The following QTMAN variants were observed in gnomAD, a reference collection of about 807,000 sequenced individuals.
The protein encoded by QTMAN is tRNA-queuosine alpha-mannosyltransferase.
At chr2:144,066,808 A>C in the QTMAN span, among the ~76,000 whole-genome samples, 7 of 152,158 alleles carry the variant, frequency 4.6e-5, no homozygotes, top group Admixed American at 6.5e-5. Flanking sequence ...TGCACAAAAT[A>C]GTTTCCAATC....
At chr2:143,973,169 A>G in the QTMAN span, among the ~76,000 whole-genome samples, 1 of 152,066 alleles carries the variant, frequency 6.6e-6, no homozygotes, top group Non-Finnish European at 1.5e-5. Flanking sequence ...CATCATACAC[A>G]GTTTCACAAA....
At chr2:144,189,141 A>G in the QTMAN span, among the ~76,000 whole-genome samples, 1 of 152,168 alleles carries the variant, frequency 6.6e-6, no homozygotes, top group Non-Finnish European at 1.5e-5. Context: ...CAGGGTACAT[A>G]TATGTGTGTA....
At chr2:144,229,393 T>C in the QTMAN span, among the ~76,000 whole-genome samples, 18 of 152,246 alleles carry the variant, frequency 1.2e-4, no homozygotes, top group African/African-American at 4.1e-4. Context: ...TGAGTTCCTC[T>C]CAGTTACCCT....
At chr2:144,141,867 G>A in the QTMAN span, 4 of 1,575,630 alleles carry the variant, frequency 2.5e-6, no homozygotes, top group East Asian at 2.3e-5. Context: ...TGAGAACAGA[G>A]TCAAACATAC....
At chr2:144,078,367 A>G in the QTMAN span, among the ~76,000 whole-genome samples, 1 of 152,260 alleles carries the variant, frequency 6.6e-6, no homozygotes, top group Non-Finnish European at 1.5e-5. Flanking sequence ...GTCTGAAGAC[A>G]GAAACATAAG....
At chr2:144,228,647 C>T in the QTMAN span, among the ~76,000 whole-genome samples, 1 of 151,998 alleles carries the variant, frequency 6.6e-6, no homozygotes, top group Non-Finnish European at 1.5e-5. Flanking sequence ...TTTGTGGGCA[C>T]CTTAGAAAGT....
the QTMAN span, chr2:144,177,076 G>T: frequency 1.8e-6 from 1 of 559,000 alleles, no homozygotes; most frequent in Non-Finnish European, 3.1e-6. Flanking sequence ...TCTATCACAA[G>T]GACAGCACCA....
the QTMAN span, among the ~76,000 whole-genome samples, chr2:144,279,916 A>G: frequency 1.3e-5 from 2 of 152,286 alleles, no homozygotes; most frequent in South Asian, 4.1e-4. Flanking sequence ...TGACACAATT[A>G]TATGCATTTG....
the QTMAN span, among the ~76,000 whole-genome samples, chr2:144,215,273 TAC>T: frequency 1.6e-3 from 227 of 143,746 alleles, 1 homozygote; most frequent in South Asian, 5.6e-3. Flanking sequence ...TATATATATA[TAC>T]ACACACACAC....
the QTMAN span, among the ~76,000 whole-genome samples, chr2:144,248,045 A>T: frequency 6.6e-6 from 1 of 152,204 alleles, no homozygotes; most frequent in Non-Finnish European, 1.5e-5. Flanking sequence ...AAACTAGGTG[A>T]ATGTATTACT....
the QTMAN span, among the ~76,000 whole-genome samples, chr2:144,326,494 G>C: frequency 7.9e-5 from 12 of 151,712 alleles, no homozygotes; most frequent in Non-Finnish European, 1.3e-4. Context: ...GGCTGAGGCA[G>C]GAGAATGGCG....
chr2:144,108,018 A>C, the QTMAN span, among the ~76,000 whole-genome samples: 5 of 152,182 alleles, frequency 3.3e-5, no homozygotes, highest in East Asian at 9.6e-4. Context: ...TGATTATCTC[A>C]ATAGATGCAG....
the QTMAN span, among the ~76,000 whole-genome samples, chr2:144,221,954 T>C: frequency 2.0e-5 from 3 of 152,212 alleles, no homozygotes; most frequent in Non-Finnish European, 4.4e-5. Flanking sequence ...TACTTACATA[T>C]AAGGAATCTG....
the QTMAN span, among the ~76,000 whole-genome samples, chr2:144,250,750 C>T: frequency 8.6e-6 from 1 of 116,080 alleles, no homozygotes; most frequent in Admixed American, 9.3e-5. Context: ...TCTTTAAGGC[C>T]GAAAAAAAAA....
At chr2:143,971,211 G>A in the QTMAN span, among the ~76,000 whole-genome samples, 2 of 151,308 alleles carry the variant, frequency 1.3e-5, no homozygotes, top group East Asian at 1.9e-4. Flanking sequence ...ATTTCCATAG[G>A]TCTGAATACC....
At chr2:144,300,835 T>G in the QTMAN span, among the ~76,000 whole-genome samples, 10 of 152,288 alleles carry the variant, frequency 6.6e-5, no homozygotes, top group Non-Finnish European at 1.3e-4. Context: ...AATGGTCTTG[T>G]CCAGCCTCTT....
chr2:144,318,194 A>AACACACACACACACAC, the QTMAN span, among the ~76,000 whole-genome samples: 793 of 142,000 alleles, frequency 5.6e-3, 8 homozygotes, highest in African/African-American at 0.019. Context: ...TATTTAAATA[A>AACACACACACACACAC]ACACACACAC....
the QTMAN span, among the ~76,000 whole-genome samples, chr2:143,986,154 C>T: frequency 5.9e-5 from 9 of 152,260 alleles, no homozygotes; most frequent in Non-Finnish European, 1.2e-4. Context: ...ATATTCAAAA[C>T]AATCTCTAAC....
chr2:144,054,402 T>C, the QTMAN span, among the ~76,000 whole-genome samples: 20 of 152,262 alleles, frequency 1.3e-4, 1 homozygote, highest in East Asian at 3.5e-3. Flanking sequence ...GTAGATACCT[T>C]GCGGATCATT....
Sources: allele counts gnomAD v4.1 joint callset (sites outside exome capture counted in the v4.1 genomes callset), GRCh38; gene constraint gnomAD v4.1.1; transcripts MANE v1.5; gene names NCBI Gene and HGNC (gene_info 2026-07-23, HGNC 2026-07-21).